Variants in SLC3A1 observed in about 807,000 individuals in gnomAD.
SLC3A1 encodes solute carrier family 3 member 1, also known as amino acid transporter heavy chain SLC3A1.
In SLC3A1, 78 loss-of-function variants were observed where a neutral mutation model predicts 60.3. The ratio of observed to expected loss-of-function variants is 1.29; its 90% CI spans 1.08 to 1.56. SLC3A1 has a LOEUF of 1.56. Ranked by LOEUF, SLC3A1 falls within the 40% of genes most tolerant of loss-of-function variation. SLC3A1 has a pLI of 0.00. For synonymous variants in SLC3A1, 392 were observed against 307.9 expected, an observed-to-expected ratio of 1.27 and a Z score of -2.86; for missense variants, 1,172 against 858.9, an observed-to-expected ratio of 1.36 and a Z score of -4.56.
intron 4 of SLC3A1, among the ~76,000 whole-genome samples, chr2:44,289,929 C>A (rs1453911990): frequency 6.6e-6 from 1 of 151,620 alleles, no homozygotes; most frequent in Non-Finnish European, 1.5e-5. Flanking sequence ...CTGCGCCTGG[C>A]CCAATTTATT....
At position 44,320,183 on chromosome 2, in the gene SLC3A1, T is replaced by G. The variant is rs755354952; in HGVS notation, c.1618-16T>G. ...TAGAATCAAACACTTACGTAAATAC[T>G]TTTTTAAAAAAATAGGTCCAAAAGA... On this transcript the variant is annotated splice_polypyrimidine_tract_variant and intron_variant, in intron 9 of 9. Coordinates refer to ENST00000260649, the MANE Select transcript of SLC3A1 (RefSeq NM_000341.4). 10 of 1,601,958 alleles carry G rather than the reference T, an allele frequency of 6.2e-6. No individual in the cohort carries two copies. The African/African-American group carries it at 6.7e-5, about 11-fold the overall frequency.
At chr2:44,293,186 T>G (rs1199585344) in intron 4 of SLC3A1, among the ~76,000 whole-genome samples, 1 of 152,118 alleles carries the variant, frequency 6.6e-6, no homozygotes, top group African/African-American at 2.4e-5. Context: ...GAGTTGGAGC[T>G]GCCTGTGACA....
chr2:44,280,731 T>A lies in SLC3A1; in HGVS notation c.446T>A (p.Leu149Gln). 1 of 1,609,690 alleles carries A rather than the reference T, an allele frequency of 6.2e-7. No homozygotes were observed. The highest frequency in any genetic ancestry group is 8.5e-7 in the Non-Finnish European group (1 of 1,176,066). Residue 149 changes from leucine (L) to glutamine (Q), a missense_variant, in exon 2 of 10, where the codon CTG (leucine) becomes CAG (glutamine). Physicochemically the swap from Leu to Gln is moderately radical, Grantham distance 113. Coordinates refer to ENST00000260649, the MANE Select transcript of SLC3A1 (RefSeq NM_000341.4). ...NGDLKGIQDK[L>Q]DYITALNIKT... is the part of the protein sequence containing the mutation. Reference sequence around the variant, plus strand: ...TTTTCTTCAGGTATTCAAGATAAACTGGACTACATCACAGCTTTAAATATA... The same window carrying A: ...TTTTCTTCAGGTATTCAAGATAAACAGGACTACATCACAGCTTTAAATATA...
chr2:44,318,944 A>G (rs981492998), intron 9 of SLC3A1: 3 of 152,216 alleles, frequency 2.0e-5, no homozygotes, highest in African/African-American at 7.2e-5. Context: ...AATTACAGAA[A>G]AAGACTTCAA....
intron 5 of SLC3A1, 56 bp from the exon 6 acceptor site, chr2:44,300,947 G>A: frequency 6.2e-7 from 1 of 1,610,008 alleles, no homozygotes; most frequent in Non-Finnish European, 8.5e-7. Flanking sequence ...TATAGAGCGA[G>A]CTGTGGGCAT....
At chr2:44,307,968 T>C (rs1672199682) in intron 7 of SLC3A1, among the ~76,000 whole-genome samples, 1 of 152,174 alleles carries the variant, frequency 6.6e-6, no homozygotes, top group African/African-American at 2.4e-5. Flanking sequence ...TCATGGAATC[T>C]TTGTTGAAAA....
At chr2:44,292,797 C>T (rs955691958) in intron 4 of SLC3A1, among the ~76,000 whole-genome samples, 61 of 152,074 alleles carry the variant, frequency 4.0e-4, no homozygotes, top group African/African-American at 1.3e-3. Flanking sequence ...CCCGATGAGA[C>T]TAGAGAGGTC....
chr2:44,309,842 G>T (rs1308107632), intron 7 of SLC3A1, among the ~76,000 whole-genome samples: 1 of 151,902 alleles, frequency 6.6e-6, no homozygotes, highest in Non-Finnish European at 1.5e-5. Context: ...CAAGTGATTT[G>T]CTGCCTTGGC....
intron 5 of SLC3A1, 51 bp downstream of exon 5, chr2:44,300,141 C>CA: frequency 6.3e-7 from 1 of 1,593,308 alleles, no homozygotes; most frequent in Non-Finnish European, 8.6e-7. Flanking sequence ...AAAATGTCAT[C>CA]AGAGTGTTTT....
Position 44,313,968 on chromosome 2 carries a change from A to ATTTTATGTTGATTC in SLC3A1, c.1617+19_1617+32dup. ...AATGTTGATGTAAGTATCAGTGAAA[A>ATTTTATGTTGATTC]TTTTATGTTGATTCTAGAAACAAAG... On this transcript the variant is annotated intron_variant, in intron 9 of 9. Transcript: ENST00000260649. The ATTTTATGTTGATTC allele has an allele frequency of 6.2e-7, 1 of 1,613,984 alleles. No individual in the cohort carries two copies. Among genetic ancestry groups the ATTTTATGTTGATTC allele is most frequent in the Non-Finnish European group, 8.5e-7 (1 of 1,179,952 alleles).
intron 4 of SLC3A1, among the ~76,000 whole-genome samples, chr2:44,291,526 C>G (rs1374820643): frequency 1.3e-5 from 2 of 152,144 alleles, no homozygotes; most frequent in Non-Finnish European, 2.9e-5. Context: ...ATTTGCAAGA[C>G]TGGTTTAGAA....
chr2:44,313,310 T>C (rs980278188), intron 8 of SLC3A1, among the ~76,000 whole-genome samples: 10 of 152,244 alleles, frequency 6.6e-5, no homozygotes, highest in Non-Finnish European at 1.0e-4. Context: ...CTTGCAACTT[T>C]AATTGCCTAG....
chr2:44,285,951 A>G (rs1443340856), intron 3 of SLC3A1, 81 bp from the exon 4 acceptor site: 2 of 1,549,272 alleles, frequency 1.3e-6, no homozygotes, highest in East Asian at 4.5e-5. Context: ...TCTGCCTGCA[A>G]AGGATCAGGG....
intron 4 of SLC3A1, among the ~76,000 whole-genome samples, chr2:44,287,990 T>C (rs1220744842): frequency 6.6e-6 from 1 of 152,198 alleles, no homozygotes; most frequent in Non-Finnish European, 1.5e-5. Flanking sequence ...TCAGTGGTTT[T>C]AGTATCTTCA....
At chr2:44,294,794 G>A (rs1671814003) in intron 4 of SLC3A1, among the ~76,000 whole-genome samples, 1 of 152,172 alleles carries the variant, frequency 6.6e-6, no homozygotes. Flanking sequence ...TTGCCTCTAA[G>A]TAGAGAACCA....
At chr2:44,295,854 C>T (rs751154225) in intron 4 of SLC3A1, among the ~76,000 whole-genome samples, 4 of 152,206 alleles carry the variant, frequency 2.6e-5, no homozygotes, top group Non-Finnish European at 5.9e-5. Context: ...GTTATTCGTG[C>T]TCTGCCCCAA....
rs1672887531 is a variant in SLC3A1 at position 44,320,921 on chromosome 2, A to G, written c.*282A>G. 1 of 446,084 alleles carries G rather than the reference A, an allele frequency of 2.2e-6. No individual in the cohort carries two copies. The highest frequency in any genetic ancestry group is 2.5e-5 in the South Asian group (1 of 39,350). The allele number at this position is 446,084 out of a possible 1,614,324, so 27.6% of individuals were successfully genotyped here. On this transcript the variant is annotated 3_prime_UTR_variant, in exon 10 of 10. Coordinates refer to ENST00000260649, the MANE Select transcript of SLC3A1 (RefSeq NM_000341.4). Reference sequence around the variant, plus strand: ...CCAGATTATTCAAAAACTTTAACGAATTTTAAGGGGAAGAATTTTATCTTT... The same window carrying G: ...CCAGATTATTCAAAAACTTTAACGAGTTTTAAGGGGAAGAATTTTATCTTT...
intron 9 of SLC3A1, chr2:44,315,090 C>T (rs1672396233): frequency 6.6e-6 from 1 of 151,990 alleles, no homozygotes; most frequent in Non-Finnish European, 1.5e-5. Context: ...CGCCAGGCGC[C>T]TGCCACCATG....
rs557399126 is a variant in SLC3A1, at chr2:44,306,422, G to A, written c.1332+2084G>A. The stretch of plus-strand genomic sequence containing the variant: ...GTTTCCATTGCCAGAGCCTTTCTCC[G>A]TCTGGTGAGGGGAAAGAGGCTCAAA... On this transcript the variant is annotated intron_variant, in intron 7 of 9. Transcript: ENST00000260649. Among the ~76,000 whole-genome samples the A allele has an allele frequency of 6.6e-5, 10 of 152,140 alleles. No homozygotes were observed. The South Asian group carries it at 8.3e-4, about 13-fold the overall frequency.
Sources: gnomAD v4.1 joint callset for allele counts (sites outside exome capture counted in the v4.1 genomes callset) on GRCh38, gnomAD v4.1.1 for gene constraint, MANE v1.5 for transcripts, NCBI Gene and HGNC (gene_info 2026-07-23, HGNC 2026-07-21) for gene names.